DEPTOR: variants seen among roughly 807,000 people sequenced by gnomAD.
DEPTOR encodes the protein DEP domain containing MTOR interacting protein.
A neutral mutation model predicts 41.6 loss-of-function variants in DEPTOR; 41 were observed. That is an observed-to-expected ratio of 0.98 (90% CI 0.77 to 1.28). The LOEUF (loss-of-function observed/expected upper bound fraction) is 1.28. Ranked by LOEUF, DEPTOR falls within the 50% of genes most tolerant of loss-of-function variation. The pLI is 0.00. For missense variants in DEPTOR, 514 were observed against 527.9 expected (o/e 0.97, Z 0.26); for synonymous variants, 195 against 192.3 (o/e 1.01, Z -0.12).
intron 3 of DEPTOR, among the ~76,000 whole-genome samples, chr8:119,932,248 G>A (rs1219917694): frequency 6.6e-6 from 1 of 152,036 alleles, no homozygotes; most frequent in African/African-American, 2.4e-5. Context: ...GCCTCTCAAA[G>A]CACTGGGACT....
In DEPTOR at chr8:120,049,689, G is replaced by A; in HGVS notation, c.1215G>A (p.Glu405=). Residue 405 remains glutamate, a synonymous_variant, in exon 9 of 9, where the codon GAG becomes GAA. Coordinates refer to ENST00000286234, the MANE Select transcript of DEPTOR (RefSeq NM_022783.4). ...GGACGATTGTCATGGAAGTCATGGA[G>A]GAGTTAGAGTGCTGAGCTCCTGGGC... ...GPRTIVMEVM[E]ELEC 3 of 1,613,938 alleles carry A rather than the reference G, an allele frequency of 1.9e-6. No homozygotes were observed. Among genetic ancestry groups the A allele is most frequent in the South Asian group, 1.1e-5 (1 of 91,058 alleles).
At chr8:119,965,464 T>C (rs1021558088) in intron 4 of DEPTOR, 54 bp downstream of exon 4, 13 of 1,583,766 alleles carry the variant, frequency 8.2e-6, no homozygotes, top group Admixed American at 3.6e-5. Context: ...CCCCAAATCT[T>C]GTGTCTTACA....
intron 3 of DEPTOR, among the ~76,000 whole-genome samples, chr8:119,941,295 C>A (rs1022721299): frequency 1.1e-4 from 17 of 148,154 alleles, no homozygotes; most frequent in Admixed American, 6.8e-5. Flanking sequence ...ATCACTTGAA[C>A]CTGGGAGGCA....
At chr8:119,953,692 G>C (rs1828382465) in intron 3 of DEPTOR, among the ~76,000 whole-genome samples, 1 of 151,956 alleles carries the variant, frequency 6.6e-6, no homozygotes, top group African/African-American at 2.4e-5. Context: ...CGTCTATCTA[G>C]ATTCTTCTTG....
intron 1 of DEPTOR, among the ~76,000 whole-genome samples, chr8:119,892,759 A>T (rs1827467369): frequency 6.6e-6 from 1 of 151,594 alleles, no homozygotes; most frequent in African/African-American, 2.4e-5. Context: ...AGAAGAGCAG[A>T]GTCTGATTAC....
At chr8:119,937,354 G>C (rs898499334) in intron 3 of DEPTOR, among the ~76,000 whole-genome samples, 1 of 149,316 alleles carries the variant, frequency 6.7e-6, no homozygotes, top group African/African-American at 2.5e-5. Flanking sequence ...ACCCATGATT[G>C]CACCACTGCA....
intron 1 of DEPTOR, among the ~76,000 whole-genome samples, chr8:119,886,945 T>C (rs921272266): frequency 6.6e-6 from 1 of 152,170 alleles, no homozygotes; most frequent in Non-Finnish European, 1.5e-5. Flanking sequence ...CTGTGAGAGA[T>C]ACCAAGTGAA....
At chr8:120,040,449 G>A (rs1038416738) in intron 8 of DEPTOR, among the ~76,000 whole-genome samples, 4 of 151,960 alleles carry the variant, frequency 2.6e-5, no homozygotes, top group Admixed American at 6.6e-5. Context: ...GGTGGTGGGC[G>A]CCTGTAGTCC....
chr8:119,924,421 A>G (rs988889386), intron 1 of DEPTOR, among the ~76,000 whole-genome samples: 1 of 152,042 alleles, frequency 6.6e-6, no homozygotes, highest in Non-Finnish European at 1.5e-5. Context: ...TTTTTCCTTC[A>G]AACTTTGGGG....
Position 120,050,879 on chromosome 8 carries a change from A to G in DEPTOR, c.*1175A>G, listed in dbSNP as rs1377485743. ...ATCTGAATGATGACGTTAATTTTTT[A>G]TCATGCATTAACAAAATAAAATATG... On this transcript the variant is annotated 3_prime_UTR_variant, in exon 9 of 9. Coordinates refer to ENST00000286234, the MANE Select transcript of DEPTOR (RefSeq NM_022783.4). 1 of 152,066 alleles carries G rather than the reference A, an allele frequency of 6.6e-6. No homozygotes were observed. The highest frequency in any genetic ancestry group is 6.6e-5 in the Admixed American group (1 of 15,242). 9.4% of individuals were successfully genotyped at this position (152,066 alleles called of 1,614,324 possible). A position where few individuals can be genotyped will look rare whatever the true frequency, so the allele number is the denominator to read the frequency against.
chr8:119,976,752 T>C (rs1586641048), intron 4 of DEPTOR, among the ~76,000 whole-genome samples: 1 of 152,102 alleles, frequency 6.6e-6, no homozygotes, highest in East Asian at 1.9e-4. Context: ...AGGACCCTTA[T>C]TGGCTGGGTC....
intron 1 of DEPTOR, among the ~76,000 whole-genome samples, chr8:119,927,546 G>C (rs558227315): frequency 7.6e-4 from 114 of 149,260 alleles, no homozygotes; most frequent in African/African-American, 2.6e-3. Flanking sequence ...AGATTGGCTA[G>C]TAGTAGCTCA....
intron 8 of DEPTOR, among the ~76,000 whole-genome samples, chr8:120,012,740 T>C (rs1356920351): frequency 6.6e-6 from 1 of 152,070 alleles, no homozygotes; most frequent in African/African-American, 2.4e-5. Context: ...TTTCACCATT[T>C]TGGCCAAGAT....
chr8:119,901,862 T>C (rs1586606381), intron 1 of DEPTOR, among the ~76,000 whole-genome samples: 1 of 152,320 alleles, frequency 6.6e-6, no homozygotes, highest in East Asian at 1.9e-4. Flanking sequence ...ATTCCACTAT[T>C]TCTGTATTTC....
chr8:119,913,315 CAAAAG>C (rs1411650811), intron 1 of DEPTOR, among the ~76,000 whole-genome samples: 1 of 152,076 alleles, frequency 6.6e-6, no homozygotes, highest in Admixed American at 6.5e-5. Flanking sequence ...GTCTGGAAAA[CAAAAG>C]AGAGGTTCAC....
At chr8:120,045,280 A>G (rs1023333668) in intron 8 of DEPTOR, among the ~76,000 whole-genome samples, 2 of 152,234 alleles carry the variant, frequency 1.3e-5, no homozygotes, top group Non-Finnish European at 2.9e-5. Context: ...AATTAGTCAC[A>G]AACTTTGGCA....
At chr8:119,945,121 CA>C (rs1828255027) in intron 3 of DEPTOR, among the ~76,000 whole-genome samples, 1 of 152,144 alleles carries the variant, frequency 6.6e-6, no homozygotes, top group East Asian at 1.9e-4. Context: ...CTTTGGTATA[CA>C]TACATAGCAT....
chr8:119,980,271 A>G (rs1273663987), intron 4 of DEPTOR, among the ~76,000 whole-genome samples: 3 of 152,060 alleles, frequency 2.0e-5, no homozygotes, highest in South Asian at 2.1e-4. Context: ...AATACAAATT[A>G]GCTACTTTAC....
At chr8:119,934,865 A>T (rs6996081) in intron 3 of DEPTOR, among the ~76,000 whole-genome samples, 29,114 of 151,958 alleles carry the variant, frequency 0.19, 3,088 homozygotes, top group Middle Eastern at 0.35. Context: ...GTAAATGGAG[A>T]TACTGACCAT....
Sources: gnomAD v4.1 joint callset for allele counts (sites outside exome capture counted in the v4.1 genomes callset) on GRCh38, gnomAD v4.1.1 for gene constraint, MANE v1.5 for transcripts, NCBI Gene and HGNC (gene_info 2026-07-23, HGNC 2026-07-21) for gene names.